ADORA2B: variants seen among roughly 807,000 people sequenced by gnomAD.
ADORA2B encodes adenosine A2b receptor.
In ADORA2B, 18 loss-of-function variants were observed where a neutral mutation model predicts 20.8. The observed-to-expected ratio is 0.87, with a 90% CI of 0.60 to 1.29. The LOEUF (loss-of-function observed/expected upper bound fraction) is 1.29. ADORA2B is among the 50% of genes most tolerant of loss of function. The pLI is 0.00. For synonymous variants in ADORA2B, 179 were observed against 178.3 expected (o/e 1.00, Z -0.03); for missense variants, 441 against 422.7 (o/e 1.04, Z -0.38).
At chr17:15,969,557 T>C (rs1970162979) in intron 1 of ADORA2B, among the ~76,000 whole-genome samples, 1 of 152,216 alleles carries the variant, frequency 6.6e-6, no homozygotes, top group Admixed American at 6.5e-5. Flanking sequence ...TCTTGATCTT[T>C]ATCCCACTCT....
chr17:15,867,891 A>G, the ADORA2B span, among the ~76,000 whole-genome samples: 1 of 152,256 alleles, frequency 6.6e-6, no homozygotes, highest in South Asian at 2.1e-4. Flanking sequence ...CTCATTGAGA[A>G]CGGGTCATGA....
chr17:15,885,731 A>C, the ADORA2B span, among the ~76,000 whole-genome samples: 1 of 152,112 alleles, frequency 6.6e-6, no homozygotes, highest in African/African-American at 2.4e-5. Context: ...AAAAACAAAA[A>C]AAAACCTCTG....
the ADORA2B span, among the ~76,000 whole-genome samples, chr17:15,915,354 G>A: frequency 6.6e-6 from 1 of 152,312 alleles, no homozygotes; most frequent in Non-Finnish European, 1.5e-5. Context: ...TCTATTGCAA[G>A]GTCTCTAACC....
intron 1 of ADORA2B, among the ~76,000 whole-genome samples, chr17:15,968,012 G>A (rs112805274): frequency 8.1e-4 from 124 of 152,316 alleles, no homozygotes; most frequent in African/African-American, 2.8e-3. Flanking sequence ...GACCCCTTCT[G>A]AAATGCGGGT....
chr17:15,930,752 G>A, the ADORA2B span, among the ~76,000 whole-genome samples: 1 of 152,204 alleles, frequency 6.6e-6, no homozygotes, highest in East Asian at 1.9e-4. Context: ...CAAACAGCAG[G>A]CCCTGGGCAT....
chr17:15,875,369 T>G, the ADORA2B span, among the ~76,000 whole-genome samples: 7 of 152,208 alleles, frequency 4.6e-5, no homozygotes, highest in African/African-American at 1.7e-4. Flanking sequence ...GATCTCCTAC[T>G]GTGAAAGATG....
At chr17:15,936,150 A>G in the ADORA2B span, among the ~76,000 whole-genome samples, 1 of 151,756 alleles carries the variant, frequency 6.6e-6, no homozygotes, top group Non-Finnish European at 1.5e-5. Context: ...TACCAAAGTG[A>G]TGGGATTACA....
the ADORA2B span, among the ~76,000 whole-genome samples, chr17:15,903,030 T>C: frequency 6.6e-6 from 1 of 152,256 alleles, no homozygotes; most frequent in African/African-American, 2.4e-5. Flanking sequence ...TTATATTTTA[T>C]ATATTTTTCA....
the ADORA2B span, among the ~76,000 whole-genome samples, chr17:15,875,285 C>T: frequency 6.6e-6 from 1 of 152,230 alleles, no homozygotes; most frequent in Middle Eastern, 3.4e-3. Flanking sequence ...ATTTTTTTGG[C>T]ATTTACCTCT....
the ADORA2B span, among the ~76,000 whole-genome samples, chr17:15,927,085 G>A: frequency 2.0e-5 from 3 of 152,184 alleles, no homozygotes; most frequent in Admixed American, 6.5e-5. Flanking sequence ...GGTGACTCAC[G>A]CCTGTAATCC....
the ADORA2B span, among the ~76,000 whole-genome samples, chr17:15,865,188 G>GT: frequency 1.9e-4 from 29 of 152,222 alleles, no homozygotes; most frequent in Non-Finnish European, 2.5e-4. Context: ...CCTGGTATAA[G>GT]TTTAAGTTTT....
intron 1 of ADORA2B, among the ~76,000 whole-genome samples, chr17:15,949,550 A>G (rs1271025385): frequency 6.6e-6 from 1 of 152,076 alleles, no homozygotes; most frequent in African/African-American, 2.4e-5. Flanking sequence ...TTCCCGTCCC[A>G]TAAAATTCAC....
At chr17:15,932,909 CAAATAA>C in the ADORA2B span, among the ~76,000 whole-genome samples, 1 of 138,662 alleles carries the variant, frequency 7.2e-6, no homozygotes, top group South Asian at 2.3e-4. Context: ...CTAAAAATAA[CAAATAA>C]AAATAAAGGG....
chr17:15,908,202 C>T, the ADORA2B span, among the ~76,000 whole-genome samples: 1 of 152,270 alleles, frequency 6.6e-6, no homozygotes, highest in East Asian at 1.9e-4. Flanking sequence ...GTCCTCCCAC[C>T]TGAGCCTCAC....
the ADORA2B span, among the ~76,000 whole-genome samples, chr17:15,864,390 A>G: frequency 3.3e-5 from 5 of 152,218 alleles, no homozygotes; most frequent in South Asian, 1.0e-3. Flanking sequence ...TCCTTTGCTC[A>G]AAGTGTTACC....
At chr17:15,887,259 C>T in the ADORA2B span, among the ~76,000 whole-genome samples, 1 of 130,174 alleles carries the variant, frequency 7.7e-6, no homozygotes, top group Non-Finnish European at 1.6e-5. Flanking sequence ...ACCAGCTCAC[C>T]GTGGTCACTG....
At chr17:15,877,477 C>T in the ADORA2B span, among the ~76,000 whole-genome samples, 81 of 152,188 alleles carry the variant, frequency 5.3e-4, 1 homozygote, top group East Asian at 0.015. Context: ...TAGGTCCTTC[C>T]TCTTGGGCTC....
the ADORA2B span, among the ~76,000 whole-genome samples, chr17:15,911,053 A>C: frequency 1.3e-5 from 2 of 152,196 alleles, no homozygotes; most frequent in African/African-American, 4.8e-5. Flanking sequence ...ACTCCAATGC[A>C]CAGCTGCATG....
chr17:15,897,623 C>G, the ADORA2B span, among the ~76,000 whole-genome samples: 1 of 152,000 alleles, frequency 6.6e-6, no homozygotes, highest in Non-Finnish European at 1.5e-5. Flanking sequence ...AATAAGACAA[C>G]CTAGCAGGAA....
Sources: gnomAD v4.1 joint callset for allele counts (sites outside exome capture counted in the v4.1 genomes callset) on GRCh38, gnomAD v4.1.1 for gene constraint, MANE v1.5 for transcripts, NCBI Gene and HGNC (gene_info 2026-07-23, HGNC 2026-07-21) for gene names.